The following CACNA1A variants were observed in gnomAD, a reference collection of about 807,000 sequenced individuals.
CACNA1A encodes calcium voltage-gated channel subunit alpha1 A.
In CACNA1A, 57 loss-of-function variants were observed where a neutral mutation model predicts 262.4. That is an observed-to-expected ratio of 0.22 (90% CI 0.18 to 0.27). The LOEUF (loss-of-function observed/expected upper bound fraction) is 0.27. Ranked by LOEUF, CACNA1A falls within the 10% of genes least tolerant of loss-of-function variation. The pLI is 1.00. For synonymous variants in CACNA1A, 1,431 were observed against 1,419.3 expected (o/e 1.01, Z -0.18); for missense variants, 2,526 against 3,562.8 (o/e 0.71, Z 7.41).
intron 6 of CACNA1A, among the ~76,000 whole-genome samples, chr19:13,357,299 T>C (rs2059022409): frequency 6.6e-6 from 1 of 152,194 alleles, no homozygotes; most frequent in Non-Finnish European, 1.5e-5. Flanking sequence ...GGATTAGCAT[T>C]CCAATAATGG....
At chr19:13,325,260 A>T (rs2058340508) in intron 10 of CACNA1A, among the ~76,000 whole-genome samples, 1 of 146,708 alleles carries the variant, frequency 6.8e-6, no homozygotes, top group East Asian at 2.0e-4. Flanking sequence ...ACACTCTGGG[A>T]GGCCAAGGTG....
intron 24 of CACNA1A, among the ~76,000 whole-genome samples, chr19:13,271,118 T>C (rs917507492): frequency 3.4e-3 from 31 of 9,034 alleles, no homozygotes; most frequent in Non-Finnish European, 3.6e-3. Flanking sequence ...TCCTGTGAGT[T>C]GTAGGCCAAT....
At position 13,506,351 on chromosome 19, in the gene CACNA1A, C is replaced by A; in HGVS notation, c.-127G>T. On this transcript the variant is annotated 5_prime_UTR_variant, in exon 1 of 47. Coordinates refer to ENST00000360228, the MANE Select transcript of CACNA1A (RefSeq NM_001127222.2). ...AGCGCGGCGGCTGGAGCTACGACTG[C>A]GGAGACGCTCCACGGCCCAGCCCAT... 1 of 840,940 alleles carries A rather than the reference C, an allele frequency of 1.2e-6. No homozygotes were observed. The allele number at this position is 840,940 out of a possible 1,614,324, so 52.1% of individuals were successfully genotyped here.
chr19:13,304,981 CA>C (rs1439587199), intron 15 of CACNA1A, among the ~76,000 whole-genome samples: 6 of 152,290 alleles, frequency 3.9e-5, no homozygotes, highest in African/African-American at 1.4e-4. Context: ...GTGGATAGCA[CA>C]AATGTAGCAC....
chr19:13,484,262 C>T lies in CACNA1A; in HGVS notation c.293+21670G>A, dbSNP rs1979708058. ...TGCTCTGAAGGAAAGGCTAGCAACT[C>T]ATCCTTGCTGTTGTTAATAAACAGT... is the stretch of plus-strand genomic sequence containing the variant. On this transcript the variant is annotated intron_variant, in intron 1 of 46. Transcript: ENST00000360228. 2.6e-5 allele frequency among the ~76,000 whole-genome samples: 4 copies of T among 152,296 alleles called. No homozygotes were observed. In the South Asian group the frequency reaches 6.2e-4, roughly 24 times the overall value.
At chr19:13,303,706 T>C (rs1010270229) in intron 16 of CACNA1A, 61 bp downstream of exon 16, 22 of 1,557,848 alleles carry the variant, frequency 1.4e-5, no homozygotes, top group Admixed American at 6.7e-5. Context: ...CTTGAGCCCC[T>C]GCAACCTCTC....
chr19:13,261,323 C>T (rs2056729544), intron 26 of CACNA1A, 127 bp downstream of exon 26: 4 of 782,102 alleles, frequency 5.1e-6, no homozygotes, highest in Non-Finnish European at 8.0e-6. Flanking sequence ...AAGCTGGTTG[C>T]AACTGAGTCA....
At chr19:13,302,831 G>A (rs1168267980) in intron 17 of CACNA1A, among the ~76,000 whole-genome samples, 1 of 152,246 alleles carries the variant, frequency 6.6e-6, no homozygotes, top group Non-Finnish European at 1.5e-5. Flanking sequence ...GCCGGCAGAT[G>A]GAGCGTTGGC....
Position 13,285,195 on chromosome 19 carries a change from C to G in CACNA1A, c.3565G>C (p.Ala1189Pro), listed in dbSNP as rs1034876149. 1 of 1,613,806 alleles carries G rather than the reference C, an allele frequency of 6.2e-7. No homozygotes were observed. ...NHTVVQVNKN[A>P]NPDPLPKKEE... ...TTTTTTGGCAGTGGGTCTGGGTTGG[C>G]GTTTTTGTTCACTGTTGGGACAAGA... The change falls in exon 21 of 47, where the codon GCC becomes CCC. Residue 1189 changes from alanine to proline, a missense_variant. Coordinates refer to ENST00000360228, the MANE Select transcript of CACNA1A (RefSeq NM_001127222.2).
chr19:13,255,787 TCCTC>T (rs200351512), intron 28 of CACNA1A, among the ~76,000 whole-genome samples: 2,364 of 86,774 alleles, frequency 0.027, 98 homozygotes, highest in African/African-American at 0.1. Flanking sequence ...TTTCCTTCCT[TCCTC>T]CCTCCCTCCT....
At position 13,347,898 on chromosome 19, in the gene CACNA1A, C is replaced by CATTT. The variant is rs924765796; in HGVS notation, c.978+11704_978+11707dup. 5.9e-5 allele frequency among the ~76,000 whole-genome samples: 9 copies of CATTT among 151,826 alleles called. No homozygotes were observed. In the South Asian group the frequency reaches 6.2e-4, roughly 11 times the overall value. On this transcript the variant is annotated intron_variant, in intron 6 of 46. Transcript: ENST00000360228. The stretch of plus-strand genomic sequence containing the variant: ...TAGCAACCACTGGCCAGGGGACACG[C>CATTT]ATTTATTTATTTATTTATTTTTAAT...
At chr19:13,265,905 C>T (rs575521524) in intron 24 of CACNA1A, among the ~76,000 whole-genome samples, 12 of 149,326 alleles carry the variant, frequency 8.0e-5, no homozygotes, top group Non-Finnish European at 1.5e-4. Context: ...GAGTGAATGG[C>T]GTGATCTCAG....
intron 3 of CACNA1A, among the ~76,000 whole-genome samples, chr19:13,386,431 C>T (rs2059615281): frequency 6.6e-6 from 1 of 152,130 alleles, no homozygotes; most frequent in South Asian, 2.1e-4. Context: ...CTTCCTCTCC[C>T]TCTTCTTTGG....
intron 1 of CACNA1A, among the ~76,000 whole-genome samples, chr19:13,502,041 T>TA (rs1982435074): frequency 1.3e-5 from 2 of 152,156 alleles, no homozygotes; most frequent in East Asian, 3.9e-4. Flanking sequence ...TCCTGCCCTC[T>TA]ACGGCAGTAC....
At chr19:13,281,002 A>G (rs2057276712) in intron 22 of CACNA1A, among the ~76,000 whole-genome samples, 1 of 152,058 alleles carries the variant, frequency 6.6e-6, no homozygotes, top group Non-Finnish European at 1.5e-5. Flanking sequence ...TACTCATTTA[A>G]TGCGAAGCAT....
intron 17 of CACNA1A, among the ~76,000 whole-genome samples, chr19:13,300,975 T>C (rs2057776045): frequency 6.6e-6 from 1 of 151,726 alleles, no homozygotes; most frequent in African/African-American, 2.4e-5. Flanking sequence ...AGAGACAGAG[T>C]CTCCCTTGGT....
chr19:13,433,580 G>C (rs2060559515), intron 3 of CACNA1A, among the ~76,000 whole-genome samples: 1 of 151,802 alleles, frequency 6.6e-6, no homozygotes, highest in African/African-American at 2.4e-5. Flanking sequence ...ACCTTGGTCT[G>C]GCTGGTAGGC....
intron 3 of CACNA1A, among the ~76,000 whole-genome samples, chr19:13,394,793 A>C (rs1223804879): frequency 6.6e-6 from 1 of 152,106 alleles, no homozygotes; most frequent in South Asian, 2.1e-4. Flanking sequence ...TTTTTCTCTG[A>C]CCTTCTCCTG....
intron 6 of CACNA1A, among the ~76,000 whole-genome samples, chr19:13,346,652 ATATATATATATATATTTTTTTTTTTTTT>A (rs2058784981): frequency 3.5e-4 from 2 of 5,720 alleles, no homozygotes; most frequent in African/African-American, 7.9e-4. Context: ...ATATATATAT[ATATATATATATATATTTTTTTTTTTTTT>A]TTTTTTTTTT....
Sources: allele counts gnomAD v4.1 joint callset (sites outside exome capture counted in the v4.1 genomes callset), GRCh38; gene constraint gnomAD v4.1.1; transcripts MANE v1.5; gene names NCBI Gene and HGNC (gene_info 2026-07-23, HGNC 2026-07-21).